SULF2: variants seen among roughly 807,000 people sequenced by gnomAD.
The protein encoded by SULF2 is extracellular sulfatase Sulf-2.
A neutral mutation model predicts 107.7 loss-of-function variants in SULF2; 52 were observed. The ratio of observed to expected loss-of-function variants is 0.48; its 90% CI spans 0.39 to 0.61. The LOEUF is 0.61. Among genes scored for constraint, SULF2 ranks in the 20% least tolerant of loss-of-function variants. The pLI, the probability that SULF2 is intolerant of heterozygous loss-of-function variation, is 0.00. For missense variants in SULF2, 993 were observed against 1,177.3 expected, an observed-to-expected ratio of 0.84 and a Z score of 2.29; for synonymous variants, 460 against 464.3, an observed-to-expected ratio of 0.99 and a Z score of 0.12.
intron 1 of SULF2, among the ~76,000 whole-genome samples, chr20:47,763,973 G>A (rs921385381): frequency 6.6e-6 from 1 of 152,112 alleles, no homozygotes; most frequent in Non-Finnish European, 1.5e-5. Context: ...TCACCTCTCC[G>A]ACCTTATTGC....
chr20:47,661,009 T>C (rs2087047697), intron 18 of SULF2, among the ~76,000 whole-genome samples: 1 of 152,182 alleles, frequency 6.6e-6, no homozygotes, highest in Non-Finnish European at 1.5e-5. Flanking sequence ...CTTCGCTGTT[T>C]TCTCCCATAA....
chr20:47,695,874 A>C (rs1215832948), intron 4 of SULF2, among the ~76,000 whole-genome samples: 1 of 152,200 alleles, frequency 6.6e-6, no homozygotes, highest in Admixed American at 6.5e-5. Context: ...TGGCCTCCCA[A>C]AGTGCTGGGA....
intron 2 of SULF2, among the ~76,000 whole-genome samples, chr20:47,756,647 C>T (rs1400601758): frequency 7.4e-5 from 10 of 136,008 alleles, no homozygotes; most frequent in Non-Finnish European, 1.1e-4. Flanking sequence ...CATGTCTCAT[C>T]TTTTTTTTTT....
rs781127529 is a variant in SULF2 at position 47,680,665 on chromosome 20, T to A, written c.1065-1861A>T. Reference sequence around the variant, plus strand: ...TGCAGCTGCTGAAGATGGGGCTGTGTCATGGGGGGCTCGAAGGCCAGCGTG... The same window carrying A: ...TGCAGCTGCTGAAGATGGGGCTGTGACATGGGGGGCTCGAAGGCCAGCGTG... On this transcript the variant is annotated intron_variant, in intron 7 of 20. Transcript: ENST00000688720. This position sits in a 1 kb window ranked among gnomAD's most constrained non-coding sequence, Gnocchi z 4.2. Among the ~76,000 whole-genome samples the A allele has an allele frequency of 3.3e-5, 5 of 152,190 alleles. No individual in the cohort carries two copies. Among genetic ancestry groups the A allele is most frequent in the Non-Finnish European group, 5.9e-5 (4 of 68,022 alleles).
rs562524300 is a variant in SULF2, at chr20:47,746,034, T to A, written c.176-9092A>T. 1.4e-4 allele frequency among the ~76,000 whole-genome samples: 21 copies of A among 152,346 alleles called. No homozygotes were observed. The East Asian group carries it at 4.1e-3, about 29-fold the overall frequency. ...GCTTGAAAAATGCAAAGACCTGGCT[T>A]TGATGGGCCCACAGTGGGCTGGACC... On this transcript the variant is annotated intron_variant, in intron 2 of 20. Coordinates refer to ENST00000688720, the MANE Select transcript of SULF2 (RefSeq NM_001387048.1).
intron 1 of SULF2, among the ~76,000 whole-genome samples, chr20:47,759,444 C>A (rs560503870): frequency 6.6e-6 from 1 of 152,208 alleles, no homozygotes; most frequent in Non-Finnish European, 1.5e-5. Flanking sequence ...GTAATTCCAG[C>A]ACTTTGGCAG....
intron 7 of SULF2, among the ~76,000 whole-genome samples, chr20:47,679,758 CTG>C (rs1330746775): frequency 2.0e-5 from 3 of 152,296 alleles, no homozygotes; most frequent in Admixed American, 1.3e-4. Context: ...CCCTCAGACA[CTG>C]TGAGTTTGTA....
Position 47,765,122 on chromosome 20 carries a change from C to T in SULF2, c.-100-7659G>A, listed in dbSNP as rs141066226. On this transcript the variant is annotated intron_variant, in intron 1 of 20. Coordinates refer to ENST00000688720, the MANE Select transcript of SULF2 (RefSeq NM_001387048.1). ...ATCCCAGCACTTTGGGAGGCCAAGGCGGGCGGATCACGAGGTCAGGAGATC... is the reference window on the plus strand; with the variant it reads ...ATCCCAGCACTTTGGGAGGCCAAGGTGGGCGGATCACGAGGTCAGGAGATC... Among the ~76,000 whole-genome samples the T allele has an allele frequency of 4.3e-3, 650 of 152,114 alleles. 7 individuals are homozygous for T. The highest frequency in any genetic ancestry group is 0.013 in the African/African-American group (544 of 41,516).
intron 5 of SULF2, 38 bp downstream of exon 5, chr20:47,690,088 T>C (rs2088144290): frequency 1.5e-6 from 2 of 1,378,150 alleles, no homozygotes; most frequent in Admixed American, 2.7e-5. Flanking sequence ...CCCTTCATGC[T>C]AAGCAGTGCC....
intron 1 of SULF2, among the ~76,000 whole-genome samples, chr20:47,759,045 G>A (rs915736146): frequency 1.3e-5 from 2 of 152,156 alleles, no homozygotes; most frequent in South Asian, 2.1e-4. Context: ...TTTTCCCAGG[G>A]CAGCCGGAGG....
At chr20:47,695,876 G>T (rs180861343) in intron 4 of SULF2, among the ~76,000 whole-genome samples, 1 of 152,366 alleles carries the variant, frequency 6.6e-6, no homozygotes, top group Admixed American at 6.5e-5. Context: ...GCCTCCCAAA[G>T]TGCTGGGATT....
At chr20:47,717,272 T>G (rs192198116) in intron 3 of SULF2, among the ~76,000 whole-genome samples, 5 of 152,266 alleles carry the variant, frequency 3.3e-5, no homozygotes, top group African/African-American at 1.2e-4. Flanking sequence ...TGGTCCCTAT[T>G]TTACAGATGG....
chr20:47,728,137 TC>T (rs1339806488), intron 3 of SULF2, among the ~76,000 whole-genome samples: 14 of 151,486 alleles, frequency 9.2e-5, no homozygotes, highest in Admixed American at 6.6e-4. Flanking sequence ...GGCTCTGCTG[TC>T]CCCCCACAGG....
intron 1 of SULF2, among the ~76,000 whole-genome samples, chr20:47,780,832 G>C (rs932553039): frequency 6.6e-6 from 1 of 152,210 alleles, no homozygotes; most frequent in African/African-American, 2.4e-5. Flanking sequence ...GGGATTATAG[G>C]CATGAGCCAG....
At chr20:47,665,653 C>A (rs763963249) in intron 13 of SULF2, among the ~76,000 whole-genome samples, 1 of 152,224 alleles carries the variant, frequency 6.6e-6, no homozygotes, top group Non-Finnish European at 1.5e-5. Flanking sequence ...GCTAAGCCAT[C>A]GTCCCTCAGA....
At chr20:47,776,240 G>A (rs1052720635) in intron 1 of SULF2, among the ~76,000 whole-genome samples, 2 of 152,182 alleles carry the variant, frequency 1.3e-5, no homozygotes, top group African/African-American at 4.8e-5. Context: ...GTGAAATCTC[G>A]TAGTTGTTAC....
intron 3 of SULF2, among the ~76,000 whole-genome samples, chr20:47,710,410 G>A (rs561831232): frequency 9.9e-5 from 15 of 151,854 alleles, no homozygotes; most frequent in South Asian, 2.1e-4. Flanking sequence ...TGTTACCACC[G>A]CCTACAGGAT....
At chr20:47,746,931 A>C (rs899388382) in intron 2 of SULF2, among the ~76,000 whole-genome samples, 1 of 151,230 alleles carries the variant, frequency 6.6e-6, no homozygotes, top group Non-Finnish European at 1.5e-5. Context: ...ACACATATAC[A>C]TATGTAACAA....
chr20:47,769,971 G>A (rs6094830), intron 1 of SULF2, among the ~76,000 whole-genome samples: 1,603 of 151,964 alleles, frequency 0.011, 34 homozygotes, highest in African/African-American at 0.037. Context: ...AGGGAGGGCC[G>A]GAAAGGGGGC....
Sources: gnomAD v4.1 joint callset for allele counts (sites outside exome capture counted in the v4.1 genomes callset) on GRCh38, gnomAD v4.1.1 for gene constraint, Gnocchi (gnomAD v3.1) non-coding constraint, MANE v1.5 for transcripts, NCBI Gene and HGNC (gene_info 2026-07-23, HGNC 2026-07-21) for gene names.